The following SYTL5 variants were observed in gnomAD, a reference collection of about 807,000 sequenced individuals.
SYTL5 encodes the protein synaptotagmin-like protein 5.
SYTL5 carries 34 observed loss-of-function variants against 55.9 expected under a neutral mutation model. The observed-to-expected ratio is 0.61, with a 90% CI of 0.46 to 0.81. The LOEUF (loss-of-function observed/expected upper bound fraction) is 0.81. SYTL5 is among the 30% of genes least tolerant of loss of function. The probability of loss-of-function intolerance (pLI) is 0.00; values close to 1 mark genes in which losing one functional copy is unlikely to be tolerated. For missense variants in SYTL5, 637 were observed against 546.7 expected, an observed-to-expected ratio of 1.17 and a Z score of -1.65; for synonymous variants, 221 against 188.7, an observed-to-expected ratio of 1.17 and a Z score of -1.40.
chrX:38,024,441 C>A (rs1036931609), intron 1 of SYTL5, among the ~76,000 whole-genome samples: 5 of 110,559 alleles, frequency 4.5e-5, no homozygotes, highest in Non-Finnish European at 9.5e-5. Flanking sequence ...AATAAATTAC[C>A]CAGTTTCAGG....
chrX:37,998,852 T>C, the SYTL5 span, among the ~76,000 whole-genome samples: 1 of 112,689 alleles, frequency 8.9e-6, no homozygotes, highest in Admixed American at 9.4e-5. Context: ...CTGGCTTCTA[T>C]AGATGAGTTC....
At chrX:37,899,461 C>T in the SYTL5 span, among the ~76,000 whole-genome samples, 1 of 111,404 alleles carries the variant, frequency 9.0e-6, no homozygotes, top group Non-Finnish European at 1.9e-5. Context: ...AACTTAGGCT[C>T]AGAAATTTAA....
At position 38,106,579 on chromosome X, in the gene SYTL5, C is replaced by T. The variant is rs1569188479; in HGVS notation, c.1156-14C>T. The T allele has an allele frequency of 4.3e-6, 5 of 1,157,750 alleles. No homozygotes were observed. The highest frequency in any genetic ancestry group is 5.4e-5 in the Admixed American group (2 of 36,732). On this transcript the variant is annotated splice_polypyrimidine_tract_variant and intron_variant, in intron 10 of 16. Transcript: ENST00000297875. ...AATGACACTAGAAGCCTTTTTCCATCTTGTTTATTCCAGACCAGCCTTAAC... is the reference window on the plus strand; with the variant it reads ...AATGACACTAGAAGCCTTTTTCCATTTTGTTTATTCCAGACCAGCCTTAAC...
intron 1 of SYTL5, among the ~76,000 whole-genome samples, chrX:38,030,437 G>C (rs1287335812): frequency 1.8e-5 from 2 of 111,894 alleles, no homozygotes; most frequent in Non-Finnish European, 3.8e-5. Context: ...TGCTGTTAGA[G>C]CTTGAATATC....
intron 1 of SYTL5, among the ~76,000 whole-genome samples, chrX:38,019,199 T>A (rs1316836772): frequency 8.9e-6 from 1 of 112,259 alleles, no homozygotes. Flanking sequence ...CCACTCAGCC[T>A]CTTTCGCTGT....
chrX:37,972,460 G>A, the SYTL5 span, among the ~76,000 whole-genome samples: 1 of 111,517 alleles, frequency 9.0e-6, no homozygotes, highest in Non-Finnish European at 1.9e-5. Context: ...CTCCAACGCG[G>A]TGGGGCTTCA....
rs991129449 is a variant in SYTL5 at position 38,128,332 on chromosome X, A to G, written c.*1602A>G. ...GCATAATGCTATGCTTATTAGGTAG[A>G]TAAAAGGGCTTATGTCAAGAAATTT... is the stretch of plus-strand genomic sequence containing the variant. On this transcript the variant is annotated 3_prime_UTR_variant, in exon 17 of 17. Transcript: ENST00000297875. The G allele has an allele frequency of 9.0e-6, 1 of 111,722 alleles. No homozygotes were observed. Among genetic ancestry groups the G allele is most frequent in the African/African-American group, 3.3e-5 (1 of 30,756 alleles). 9.2% of individuals were successfully genotyped at this position (111,722 alleles called of 1,213,427 possible). A position where few individuals can be genotyped will look rare whatever the true frequency, so the allele number is the denominator to read the frequency against.
the SYTL5 span, among the ~76,000 whole-genome samples, chrX:37,927,619 C>CA: frequency 0.01 from 1,124 of 108,205 alleles, 6 homozygotes; most frequent in Middle Eastern, 0.047. Flanking sequence ...ACTGAAAATA[C>CA]AAAAAAAAAT....
the SYTL5 span, among the ~76,000 whole-genome samples, chrX:37,932,451 G>C: frequency 9.0e-6 from 1 of 111,635 alleles, no homozygotes; most frequent in Non-Finnish European, 1.9e-5. Context: ...AGAGAATAAA[G>C]GAATATTTAG....
the SYTL5 span, chrX:37,946,334 T>G: frequency 5.5e-5 from 8 of 144,765 alleles, no homozygotes; most frequent in South Asian, 1.2e-3. Flanking sequence ...TCTTTGATAC[T>G]ACTTGGCACT....
At chrX:37,925,187 A>G in the SYTL5 span, among the ~76,000 whole-genome samples, 1 of 112,113 alleles carries the variant, frequency 8.9e-6, no homozygotes, top group Admixed American at 9.5e-5. Context: ...TGTAAATGAC[A>G]GAATTTCATT....
chrX:38,077,496 T>C lies in SYTL5; in HGVS notation c.689+795T>C, dbSNP rs199890565. On this transcript the variant is annotated intron_variant, in intron 6 of 16. Coordinates refer to ENST00000297875, the MANE Select transcript of SYTL5 (RefSeq NM_138780.3). The stretch of plus-strand genomic sequence containing the variant: ...AGGTTAGGAAGAATGCAAGCAGAAT[T>C]GCATTCTTCCCTGTAATCCATTTTA... Among the ~76,000 whole-genome samples the C allele has an allele frequency of 1.7e-4, 19 of 111,308 alleles. No individual in the cohort carries two copies. In the East Asian group the frequency reaches 2.5e-3, roughly 15 times the overall value.
At chrX:37,974,693 A>G in the SYTL5 span, among the ~76,000 whole-genome samples, 1 of 112,669 alleles carries the variant, frequency 8.9e-6, no homozygotes. Flanking sequence ...ACTATTTGCA[A>G]TTTTGCAGAT....
chrX:38,016,195 G>A (rs1232246252), intron 1 of SYTL5, among the ~76,000 whole-genome samples: 1 of 112,110 alleles, frequency 8.9e-6, no homozygotes, highest in Non-Finnish European at 1.9e-5. Context: ...AATATTGGCA[G>A]ACATTTATTT....
chrX:38,003,922 G>C (rs189539835), upstream of SYTL5, among the ~76,000 whole-genome samples: 6 of 111,679 alleles, frequency 5.4e-5, no homozygotes, highest in East Asian at 1.4e-3. Context: ...GTTTTGATTT[G>C]CATTTCTCTG....
At chrX:38,022,430 C>T (rs1218480892) in intron 1 of SYTL5, among the ~76,000 whole-genome samples, 1 of 112,168 alleles carries the variant, frequency 8.9e-6, no homozygotes, top group East Asian at 2.8e-4. Flanking sequence ...ATGGTGTTAG[C>T]AGGGTTGCAT....
intron 3 of SYTL5, among the ~76,000 whole-genome samples, chrX:38,068,160 A>G (rs1485301660): frequency 2.7e-5 from 3 of 112,416 alleles, no homozygotes; most frequent in Non-Finnish European, 5.6e-5. Context: ...CAAGGAGCTA[A>G]CAAGCATATG....
chrX:38,073,093 AATTAGGCAATCAGCC>A (rs1422761190), intron 4 of SYTL5, among the ~76,000 whole-genome samples: 4 of 111,843 alleles, frequency 3.6e-5, no homozygotes, highest in Non-Finnish European at 7.5e-5. Flanking sequence ...GTACAGTTAG[AATTAGGCAATCAGCC>A]ATGGCCTCTT....
intron 7 of SYTL5, among the ~76,000 whole-genome samples, chrX:38,092,600 G>C (rs945355175): frequency 1.8e-5 from 2 of 111,265 alleles, no homozygotes; most frequent in Non-Finnish European, 3.8e-5. Context: ...CGTGTGCTTT[G>C]TTCTAGCCAC....
Sources: allele counts gnomAD v4.1 joint callset (sites outside exome capture counted in the v4.1 genomes callset), GRCh38; gene constraint gnomAD v4.1.1; transcripts MANE v1.5; gene names NCBI Gene and HGNC (gene_info 2026-07-23, HGNC 2026-07-21).